Variants in PITPNM2 observed in about 807,000 individuals in gnomAD.
PITPNM2 encodes membrane-associated phosphatidylinositol transfer protein 2.
In PITPNM2, 35 loss-of-function variants were observed where a neutral mutation model predicts 132.2. The ratio of observed to expected loss-of-function variants is 0.26; its 90% confidence interval spans 0.20 to 0.35. The LOEUF (loss-of-function observed/expected upper bound fraction) is 0.35. PITPNM2 is among the 10% of genes least tolerant of loss of function. The probability of loss-of-function intolerance (pLI) is 1.00; values close to 1 mark genes in which losing one functional copy is unlikely to be tolerated. For synonymous variants in PITPNM2, 738 were observed against 799.2 expected, an observed-to-expected ratio of 0.92 and a Z score of 1.29; for missense variants, 1,332 against 1,912.0, an observed-to-expected ratio of 0.70 and a Z score of 5.66.
At position 122,996,827 on chromosome 12, in the gene PITPNM2, G is replaced by A. The variant is rs753700808; in HGVS notation, c.1556C>T (p.Thr519Ile). The stretch of plus-strand genomic sequence containing the variant: ...TGCCTCCTGGTACTGGGGGGAGGAG[G>A]TGGCCAGCAGGGGGAGGGCAGCCAG... ...IPLAALPLLA[T>I]SSPQYQEAVA... is the part of the protein sequence containing the mutation. Residue 519 changes from threonine to isoleucine, a missense_variant, in exon 12 of 26, where the codon ACC becomes ATC. Transcript: ENST00000320201. 3 of 1,599,898 alleles carry A rather than the reference G, an allele frequency of 1.9e-6. No homozygotes were observed. The highest frequency in any genetic ancestry group is 1.7e-6 in the Non-Finnish European group (2 of 1,176,460).
chr12:123,119,411 G>A (rs1211547897), intron 1 of PITPNM2, among the ~76,000 whole-genome samples: 1 of 147,998 alleles, frequency 6.8e-6, no homozygotes, highest in Admixed American at 6.8e-5. Flanking sequence ...AGGCTGGAGT[G>A]CAGTGGAACC....
chr12:123,044,090 C>A (rs762891386), intron 2 of PITPNM2, among the ~76,000 whole-genome samples: 5 of 152,142 alleles, frequency 3.3e-5, no homozygotes, highest in Non-Finnish European at 7.3e-5. Flanking sequence ...TAAGACTGGG[C>A]CCTTAAACAA....
chr12:122,995,780 C>T, intron 13 of PITPNM2, 120 bp from the exon 14 acceptor site: 1 of 1,360,678 alleles, frequency 7.3e-7, no homozygotes, highest in South Asian at 1.5e-5. Flanking sequence ...TCCAGCCGGC[C>T]TCTTGCCAAA....
chr12:122,990,685 G>T lies in PITPNM2; in HGVS notation c.2429C>A (p.Ala810Glu), dbSNP rs771823324. The T allele has an allele frequency of 6.2e-7, 1 of 1,610,662 alleles. No individual in the cohort carries two copies. Among genetic ancestry groups the T allele is most frequent in the African/African-American group, 1.3e-5 (1 of 75,048 alleles). Residue 810 changes from alanine (A) to glutamate (E), a missense_variant, in exon 17 of 26, where the codon GCA (alanine) becomes GAA (glutamate). Coordinates refer to ENST00000320201, the MANE Select transcript of PITPNM2 (RefSeq NM_020845.3). ...GGGGGCGCCATGCTCTTGGAAGGCT[G>T]CATTGTGGGTCTGGAGCACATCCGC... ...LLADVLQTHN[A>E]AFQEHGAPSS...
intron 1 of PITPNM2, among the ~76,000 whole-genome samples, chr12:123,146,509 G>A (rs1019588593): frequency 1.4e-4 from 22 of 151,962 alleles, no homozygotes; most frequent in Admixed American, 6.5e-5. Flanking sequence ...CAGGAGAATC[G>A]CTTGAATCTG....
chr12:123,113,767 T>A (rs1426943464), intron 1 of PITPNM2, among the ~76,000 whole-genome samples: 1 of 152,166 alleles, frequency 6.6e-6, no homozygotes, highest in Non-Finnish European at 1.5e-5. Context: ...CTTACAATGT[T>A]GTACAACCAT....
At position 123,128,474 on chromosome 12, in the gene PITPNM2, G is replaced by A. The variant is rs181893540; in HGVS notation, c.-199-17986C>T. On this transcript the variant is annotated intron_variant, in intron 1 of 25. Transcript: ENST00000320201. The stretch of plus-strand genomic sequence containing the variant: ...AAAAAAAAAAAAAAAAGGTGGGGGG[G>A]CAGGCGCAGTGGCTCATGCCTGTAA... Among the ~76,000 whole-genome samples, 26 of 147,500 alleles carry A rather than the reference G, an allele frequency of 1.8e-4. 1 individual carries two copies. Among genetic ancestry groups the A allele is most frequent in the Admixed American group, 6.1e-4 (9 of 14,670 alleles).
chr12:123,060,388 G>A (rs905834658), intron 2 of PITPNM2, among the ~76,000 whole-genome samples: 1 of 152,132 alleles, frequency 6.6e-6, no homozygotes, highest in Non-Finnish European at 1.5e-5. Context: ...GGGAAATTCT[G>A]ACCTACTAAG....
At chr12:123,012,533 G>GGAAAA (rs1388101955) in intron 5 of PITPNM2, 80 bp downstream of exon 5, 1 of 1,539,162 alleles carries the variant, frequency 6.5e-7, no homozygotes, top group Non-Finnish European at 8.9e-7. Context: ...CCAGGTGTGG[G>GGAAAA]GAAAAGGGGC....
In PITPNM2 at chr12:123,004,327, G is replaced by A; in HGVS notation, c.1048+67C>T. On this transcript the variant is annotated intron_variant, in intron 8 of 25. Transcript: ENST00000320201. The surrounding 1 kb of genome is among the most constrained non-coding windows in gnomAD (Gnocchi z 4.9). ...GCATCAGTCCACACCCACACCCTAA[G>A]CCCTTTCAGACCCCTCCCCACCTCG... is the stretch of plus-strand genomic sequence containing the variant. 6.8e-7 allele frequency: 1 copy of A among 1,466,634 alleles called. No homozygotes were observed. The allele number at this position is 1,466,634 out of a possible 1,614,324, so 90.9% of individuals were successfully genotyped here.
Position 123,022,690 on chromosome 12 carries a change from G to A in PITPNM2, c.79-8648C>T, listed in dbSNP as rs1217518781. On this transcript the variant is annotated intron_variant, in intron 3 of 25. Transcript: ENST00000320201. The surrounding 1 kb of genome is among the most constrained non-coding windows in gnomAD (Gnocchi z 4.9). The stretch of plus-strand genomic sequence containing the variant: ...GTCTCCCAGGCCATGAGTGACTGTG[G>A]TAGTGCAGAGACAGAGAAGCAGCCA... Among the ~76,000 whole-genome samples the A allele has an allele frequency of 6.6e-6, 1 of 152,206 alleles. No homozygotes were observed. The highest frequency in any genetic ancestry group is 2.1e-4 in the South Asian group (1 of 4,832).
At chr12:123,063,010 C>A (rs976461836) in intron 2 of PITPNM2, among the ~76,000 whole-genome samples, 1 of 152,250 alleles carries the variant, frequency 6.6e-6, no homozygotes, top group African/African-American at 2.4e-5. Context: ...CACACACACA[C>A]AAACAGCAAT....
intron 1 of PITPNM2, among the ~76,000 whole-genome samples, chr12:123,130,596 T>C (rs1004317811): frequency 5.3e-5 from 8 of 152,086 alleles, no homozygotes; most frequent in Non-Finnish European, 8.8e-5. Flanking sequence ...CTGGCTAACA[T>C]GGTGAAACCC....
chr12:123,052,521 G>A (rs537339364), intron 2 of PITPNM2, among the ~76,000 whole-genome samples: 234 of 152,298 alleles, frequency 1.5e-3, no homozygotes, highest in African/African-American at 5.2e-3. Context: ...TTGGGAAGCT[G>A]AGGTTGGAAG....
chr12:123,096,526 A>C lies in PITPNM2; in HGVS notation c.-96+13859T>G, dbSNP rs537901790. ...AGGAAGAGGCAGTGGGAAGATGGGG[A>C]GGGGGGCGAGGAATGAGAGAGAACC... is the stretch of plus-strand genomic sequence containing the variant. On this transcript the variant is annotated intron_variant, in intron 2 of 25. Transcript: ENST00000320201. 2.6e-5 allele frequency among the ~76,000 whole-genome samples: 4 copies of C among 152,182 alleles called. No individual in the cohort carries two copies. The South Asian group carries it at 8.3e-4, about 32-fold the overall frequency.
chr12:123,123,973 T>C (rs1394688216), intron 1 of PITPNM2, among the ~76,000 whole-genome samples: 1 of 149,566 alleles, frequency 6.7e-6, no homozygotes. Context: ...ATTTAAAAAG[T>C]GGCCAGGCAC....
Position 122,994,651 on chromosome 12 carries a change from G to C in PITPNM2, c.2233+150C>G, listed in dbSNP as rs1041973443. ...ACTGAGCTGCTGAAGCAGGAGCAGAGGATAGCAAGGGGCCCTTGGTGGGGA... is the reference window on the plus strand; with the variant it reads ...ACTGAGCTGCTGAAGCAGGAGCAGACGATAGCAAGGGGCCCTTGGTGGGGA... On this transcript the variant is annotated intron_variant, in intron 15 of 25. Transcript: ENST00000320201. This position sits in a 1 kb window ranked among gnomAD's most constrained non-coding sequence, Gnocchi z 5.4. 3.0e-5 allele frequency: 26 copies of C among 876,270 alleles called. No individual in the cohort carries two copies. Among genetic ancestry groups the C allele is most frequent in the Non-Finnish European group, 4.0e-5 (24 of 595,574 alleles). The allele number at this position is 876,270 out of a possible 1,614,324, so 54.3% of individuals were successfully genotyped here.
intron 1 of PITPNM2, among the ~76,000 whole-genome samples, chr12:123,137,687 G>A (rs1342703580): frequency 6.6e-6 from 1 of 152,068 alleles, no homozygotes. Context: ...GAGGCCAGGA[G>A]TTTAAGACCA....
intron 8 of PITPNM2, among the ~76,000 whole-genome samples, chr12:123,003,752 A>G (rs1003764163): frequency 6.6e-6 from 1 of 152,194 alleles, no homozygotes; most frequent in Non-Finnish European, 1.5e-5. Context: ...GGGCTGGCTC[A>G]GCCACTGGCT....
Sources: allele counts gnomAD v4.1 joint callset (sites outside exome capture counted in the v4.1 genomes callset), GRCh38; gene constraint gnomAD v4.1.1; non-coding constraint Gnocchi (gnomAD v3.1); transcripts MANE v1.5; gene names NCBI Gene and HGNC (gene_info 2026-07-23, HGNC 2026-07-21).